Variants in VAV2 observed in about 807,000 individuals in gnomAD.
VAV2 encodes vav guanine nucleotide exchange factor 2.
A neutral mutation model predicts 132.5 loss-of-function variants in VAV2; 67 were observed. The observed-to-expected ratio is 0.51, with a 90% CI of 0.42 to 0.62. VAV2 has a LOEUF of 0.62. VAV2 is among the 20% of genes least tolerant of loss of function. VAV2 has a pLI of 0.00. For missense variants in VAV2, 938 were observed against 1,153.6 expected (o/e 0.81, Z 2.71); for synonymous variants, 492 against 443.5 (o/e 1.11, Z -1.37).
At chr9:133,947,292 G>A (rs1841393786) in intron 1 of VAV2, among the ~76,000 whole-genome samples, 1 of 152,138 alleles carries the variant, frequency 6.6e-6, no homozygotes, top group Non-Finnish European at 1.5e-5. Context: ...CCCCACCAGG[G>A]ACCCATTAGC....
rs572626337 is a variant in VAV2, at chr9:133,867,261, G to C, written c.322-5829C>G. Among the ~76,000 whole-genome samples the C allele has an allele frequency of 3.9e-5, 6 of 152,346 alleles. No individual in the cohort carries two copies. In the South Asian group the frequency reaches 1.0e-3, roughly 26 times the overall value. ...AGGCTCAACACCCAGTGCCCACCAG[G>C]CCTCCCTCCAGGAAGCCCATCTCGC... On this transcript the variant is annotated intron_variant, in intron 2 of 29. Coordinates refer to ENST00000371850, the MANE Select transcript of VAV2 (RefSeq NM_001134398.2).
chr9:133,854,900 G>A (rs569547979), intron 3 of VAV2, among the ~76,000 whole-genome samples: 18 of 152,360 alleles, frequency 1.2e-4, no homozygotes, highest in African/African-American at 3.4e-4. Flanking sequence ...GATGTTTGAT[G>A]TCACCAGGTG....
chr9:133,875,728 G>A (rs1838236240), intron 2 of VAV2, among the ~76,000 whole-genome samples: 1 of 152,200 alleles, frequency 6.6e-6, no homozygotes, highest in Admixed American at 6.5e-5. Flanking sequence ...TAGCACAAGA[G>A]GCTATAGAAT....
intron 7 of VAV2, 101 bp downstream of exon 7, chr9:133,808,939 C>A (rs1835256734): frequency 9.2e-7 from 1 of 1,092,170 alleles, no homozygotes; most frequent in African/African-American, 1.6e-5. Context: ...GTCAGAGAGG[C>A]CCTATGGCCC....
intron 4 of VAV2, among the ~76,000 whole-genome samples, chr9:133,817,336 T>C (rs1564374822): frequency 6.6e-6 from 1 of 152,234 alleles, no homozygotes; most frequent in African/African-American, 2.4e-5. Flanking sequence ...TTTCCAGGCT[T>C]CTTTCCTCCC....
rs1449360397 is a variant in VAV2, at chr9:133,861,954, C to T, written c.322-522G>A. Among the ~76,000 whole-genome samples, 3 of 152,258 alleles carry T rather than the reference C, an allele frequency of 2.0e-5. No homozygotes were observed. The East Asian group carries it at 5.8e-4, about 29-fold the overall frequency. On this transcript the variant is annotated intron_variant, in intron 2 of 29. Transcript: ENST00000371850. ...AATATCCCAGGGTGCTGCTTGCTTCCCTTCAAGCCCTCCCTTGCATGACAT... is the reference window on the plus strand; with the variant it reads ...AATATCCCAGGGTGCTGCTTGCTTCTCTTCAAGCCCTCCCTTGCATGACAT...
At chr9:133,951,901 G>A (rs1024861612) in intron 1 of VAV2, among the ~76,000 whole-genome samples, 1 of 152,110 alleles carries the variant, frequency 6.6e-6, no homozygotes, top group Admixed American at 6.6e-5. Context: ...AAACCCAGGG[G>A]CTTCTTTCTT....
At chr9:133,915,598 A>ACACTCC (rs773280510) in intron 2 of VAV2, among the ~76,000 whole-genome samples, 3 of 149,810 alleles carry the variant, frequency 2.0e-5, no homozygotes, top group Non-Finnish European at 4.5e-5. Context: ...ACACACACAC[A>ACACTCC]CTCCCACACA....
intron 2 of VAV2, among the ~76,000 whole-genome samples, chr9:133,895,023 G>A (rs2519780): frequency 0.73 from 110,875 of 151,946 alleles, 42,861 homozygotes; most frequent in Middle Eastern, 0.9. Context: ...AAGATCGCGT[G>A]GGGGGCGTCC....
chr9:133,820,025 G>A (rs902194073), intron 4 of VAV2, among the ~76,000 whole-genome samples: 1 of 152,190 alleles, frequency 6.6e-6, no homozygotes, highest in Non-Finnish European at 1.5e-5. Context: ...TCCTATGACC[G>A]ATTCTGCATC....
intron 1 of VAV2, among the ~76,000 whole-genome samples, chr9:133,971,896 C>G (rs1176939455): frequency 3.3e-5 from 5 of 152,122 alleles, no homozygotes; most frequent in Non-Finnish European, 5.9e-5. Context: ...AAAAAAGGCC[C>G]CTGGGGCTGC....
intron 3 of VAV2, among the ~76,000 whole-genome samples, chr9:133,854,419 C>T (rs1174584756): frequency 5.3e-5 from 8 of 152,198 alleles, no homozygotes; most frequent in South Asian, 2.1e-4. Context: ...CATGGCTGGA[C>T]GAATGCAAAA....
intron 2 of VAV2, among the ~76,000 whole-genome samples, chr9:133,906,717 C>T (rs573744179): frequency 6.6e-6 from 1 of 152,350 alleles, no homozygotes; most frequent in Admixed American, 6.5e-5. Flanking sequence ...GAACCTGGCA[C>T]AGCTCACAAG....
At chr9:133,876,386 G>A (rs769750007) in intron 2 of VAV2, among the ~76,000 whole-genome samples, 7 of 152,240 alleles carry the variant, frequency 4.6e-5, no homozygotes, top group African/African-American at 1.7e-4. Context: ...GGGGGCAAGG[G>A]ACGGGGTGGG....
intron 17 of VAV2, among the ~76,000 whole-genome samples, chr9:133,784,669 G>T (rs1179395438): frequency 6.6e-6 from 1 of 152,226 alleles, no homozygotes; most frequent in Non-Finnish European, 1.5e-5. Context: ...AGGTGGGGAC[G>T]GTGGTCTAAG....
chr9:133,832,336 CA>C (rs984308648), intron 4 of VAV2, among the ~76,000 whole-genome samples: 1 of 152,152 alleles, frequency 6.6e-6, no homozygotes, highest in African/African-American at 2.4e-5. Context: ...AGGAAGGGTA[CA>C]GGGGGGTATG....
Position 133,991,967 on chromosome 9 carries a change from C to T in VAV2, c.204+108G>A, listed in dbSNP as rs1379850396. 1 of 995,182 alleles carries T rather than the reference C, an allele frequency of 1.0e-6. No homozygotes were observed. The highest frequency in any genetic ancestry group is 1.3e-6 in the Non-Finnish European group (1 of 796,040). The allele number at this position is 995,182 out of a possible 1,614,324, so 61.6% of individuals were successfully genotyped here. On this transcript the variant is annotated intron_variant, in intron 1 of 29. Transcript: ENST00000371850. This position sits in a 1 kb window ranked among gnomAD's most constrained non-coding sequence, Gnocchi z 4.8. The stretch of plus-strand genomic sequence containing the variant: ...GCCCGCGTCCCGGAGCCCGGCCGCC[C>T]CAGCCAGGGCGCCTGGGCCGCCGCC...
rs1240829621 is a variant in VAV2, at chr9:133,879,531, T to C, written c.322-18099A>G. Among the ~76,000 whole-genome samples the C allele has an allele frequency of 2.6e-5, 4 of 152,120 alleles. No homozygotes were observed. The highest frequency in any genetic ancestry group is 9.7e-5 in the African/African-American group (4 of 41,408). ...CCTCCTATAAGAAGGCATCGATCAG[T>C]AGGTGGCCCCGGGGCACTGCCACAG... On this transcript the variant is annotated intron_variant, in intron 2 of 29. Transcript: ENST00000371850. This position sits in a 1 kb window ranked among gnomAD's most constrained non-coding sequence, Gnocchi z 4.4.
At position 133,762,350 on chromosome 9, in the gene VAV2, C is replaced by T. The variant is rs1037627725; in HGVS notation, c.*1712G>A. ...TCTCTTATTATTCACAGATATATAA[C>T]GGGAGATTTGGATGAAATAATTACA... On this transcript the variant is annotated 3_prime_UTR_variant, in exon 30 of 30. Coordinates refer to ENST00000371850, the MANE Select transcript of VAV2 (RefSeq NM_001134398.2). The surrounding 1 kb of genome is among the most constrained non-coding windows in gnomAD (Gnocchi z 5.0). 5.2e-5 allele frequency: 8 copies of T among 152,558 alleles called. No individual in the cohort carries two copies. The highest frequency in any genetic ancestry group is 3.8e-4 in the East Asian group (2 of 5,196). 9.5% of individuals were successfully genotyped at this position (152,558 alleles called of 1,614,324 possible).
Sources: allele counts gnomAD v4.1 joint callset (sites outside exome capture counted in the v4.1 genomes callset), GRCh38; gene constraint gnomAD v4.1.1; non-coding constraint Gnocchi (gnomAD v3.1); transcripts MANE v1.5; gene names NCBI Gene and HGNC (gene_info 2026-07-23, HGNC 2026-07-21).